The following SOX5 variants were observed in gnomAD, a reference collection of about 807,000 sequenced individuals.
SOX5 encodes transcription factor SOX-5.
Under a neutral mutation model 92.0 loss-of-function variants are expected in SOX5, and 9 were observed. That is an observed-to-expected ratio of 0.10 (90% CI 0.06 to 0.17). The LOEUF (loss-of-function observed/expected upper bound fraction) is 0.17, where lower values mean the gene tolerates loss of function less well. Ranked by LOEUF, SOX5 falls within the 10% of genes least tolerant of loss-of-function variation. The pLI is 1.00. For synonymous variants in SOX5, 344 were observed against 336.3 expected, an observed-to-expected ratio of 1.02 and a Z score of -0.25; for missense variants, 642 against 944.5, an observed-to-expected ratio of 0.68 and a Z score of 4.20.
At chr12:24,270,692 A>G (rs1208154893) in intron 3 of SOX5, among the ~76,000 whole-genome samples, 2 of 152,156 alleles carry the variant, frequency 1.3e-5, no homozygotes, top group East Asian at 1.9e-4. Flanking sequence ...TCATTCGTAG[A>G]TATCAGCACT....
chr12:23,671,940 A>C (rs977176355), intron 6 of SOX5, among the ~76,000 whole-genome samples: 2 of 152,154 alleles, frequency 1.3e-5, no homozygotes, highest in Non-Finnish European at 2.9e-5. Context: ...AAGCCACAGA[A>C]CTTTTTTTAA....
At chr12:24,297,452 GAATT>G (rs1187321757) in intron 2 of SOX5, among the ~76,000 whole-genome samples, 1 of 152,164 alleles carries the variant, frequency 6.6e-6, no homozygotes, top group Non-Finnish European at 1.5e-5. Flanking sequence ...TACGGAAATG[GAATT>G]TCATTAACTA....
chr12:24,025,760 T>A (rs1954806503), intron 4 of SOX5, among the ~76,000 whole-genome samples: 1 of 152,044 alleles, frequency 6.6e-6, no homozygotes, highest in Non-Finnish European at 1.5e-5. Context: ...AAAATACCAA[T>A]GACTGCAATT....
At chr12:23,886,638 TG>T (rs2097070290) in intron 2 of SOX5, among the ~76,000 whole-genome samples, 1 of 152,164 alleles carries the variant, frequency 6.6e-6, no homozygotes, top group Non-Finnish European at 1.5e-5. Context: ...GTTTATACAG[TG>T]ACACTAACAT....
At chr12:24,401,411 C>T (rs1961567854) in intron 1 of SOX5, among the ~76,000 whole-genome samples, 1 of 151,110 alleles carries the variant, frequency 6.6e-6, no homozygotes, top group Non-Finnish European at 1.5e-5. Context: ...GAACTATGTC[C>T]ATTAAAAATT....
At chr12:24,077,847 G>T (rs1274356117) in intron 4 of SOX5, among the ~76,000 whole-genome samples, 7 of 142,172 alleles carry the variant, frequency 4.9e-5, no homozygotes, top group Admixed American at 7.2e-5. Context: ...GCTTCAAAAT[G>T]GCAATTTAAA....
At chr12:24,438,589 A>C (rs920857753) in intron 1 of SOX5, among the ~76,000 whole-genome samples, 2 of 152,194 alleles carry the variant, frequency 1.3e-5, no homozygotes, top group Non-Finnish European at 2.9e-5. Context: ...GAGGGGGTAA[A>C]AAAGAAAAAA....
Position 23,845,999 on chromosome 12 carries a change from G to T in SOX5, c.465C>A (p.Ile155=). ...AGCCTTTACCTTCCGGCTCGTTTTT[G>T]ATGAGCTCTTCCATTTTCCTCTGCT... The part of the protein sequence containing the change: ...TLKQRKMEEL[I]KNEPEETPSI... Residue 155 remains isoleucine, a synonymous_variant, in exon 3 of 15, where the codon ATC becomes ATA. Coordinates refer to ENST00000451604, the MANE Select transcript of SOX5 (RefSeq NM_006940.6). 6.2e-7 allele frequency: 1 copy of T among 1,613,866 alleles called. No homozygotes were observed.
intron 1 of SOX5, among the ~76,000 whole-genome samples, chr12:24,553,850 A>C (rs1953471443): frequency 1.3e-5 from 2 of 152,258 alleles, no homozygotes; most frequent in South Asian, 4.1e-4. Flanking sequence ...ATTTCTTTAC[A>C]TGCTGATAGA....
At chr12:23,705,440 C>T (rs2091261352) in intron 6 of SOX5, among the ~76,000 whole-genome samples, 3 of 151,908 alleles carry the variant, frequency 2.0e-5, no homozygotes, top group African/African-American at 7.3e-5. Flanking sequence ...GCTTTGTGCA[C>T]ACTAATCACA....
chr12:23,593,845 A>G (rs994471472), intron 9 of SOX5, among the ~76,000 whole-genome samples: 2 of 152,062 alleles, frequency 1.3e-5, no homozygotes, highest in African/African-American at 4.8e-5. Context: ...AGAGGTAGAG[A>G]AGAAGGAAGA....
rs534082103 is a variant in SOX5, at chr12:23,792,326, G to A, written c.482-36602C>T. Among the ~76,000 whole-genome samples the A allele has an allele frequency of 2.6e-5, 4 of 151,834 alleles. No homozygotes were observed. The East Asian group carries it at 7.8e-4, about 30-fold the overall frequency. ...ACATGGGGATACACATAACTAAGGCGATAAAAATCTCGGACAGGCCAGGCA... is the reference window on the plus strand; with the variant it reads ...ACATGGGGATACACATAACTAAGGCAATAAAAATCTCGGACAGGCCAGGCA... On this transcript the variant is annotated intron_variant, in intron 3 of 14. Coordinates refer to ENST00000451604, the MANE Select transcript of SOX5 (RefSeq NM_006940.6).
intron 1 of SOX5, among the ~76,000 whole-genome samples, chr12:24,522,847 C>A (rs1488197565): frequency 6.6e-6 from 1 of 151,960 alleles, no homozygotes; most frequent in Non-Finnish European, 1.5e-5. Context: ...CCACTAAGAT[C>A]TGGAAAAAGA....
intron 1 of SOX5, among the ~76,000 whole-genome samples, chr12:24,481,100 T>G (rs1407784054): frequency 6.6e-6 from 1 of 152,194 alleles, no homozygotes; most frequent in Non-Finnish European, 1.5e-5. Flanking sequence ...TCCTATCATT[T>G]GCAACAACAT....
intron 1 of SOX5, among the ~76,000 whole-genome samples, chr12:24,383,844 G>A (rs7968903): frequency 0.26 from 39,105 of 151,938 alleles, 5,441 homozygotes; most frequent in East Asian, 0.46. Context: ...GATACGGTTT[G>A]GCTGTGTCCC....
At chr12:23,660,059 C>G (rs1345299491) in intron 7 of SOX5, among the ~76,000 whole-genome samples, 2 of 152,206 alleles carry the variant, frequency 1.3e-5, no homozygotes, top group African/African-American at 4.8e-5. Flanking sequence ...TTTTCATCAG[C>G]ACTTTGCTGC....
chr12:23,776,254 A>C (rs1288728514), intron 3 of SOX5, among the ~76,000 whole-genome samples: 1 of 152,180 alleles, frequency 6.6e-6, no homozygotes, highest in African/African-American at 2.4e-5. Context: ...ACTTATATAA[A>C]ATTAGTTTAA....
At chr12:24,086,628 C>T (rs999580250) in intron 4 of SOX5, among the ~76,000 whole-genome samples, 2 of 151,914 alleles carry the variant, frequency 1.3e-5, no homozygotes, top group South Asian at 4.1e-4. Flanking sequence ...CCTACAAACC[C>T]AATCTTTTGT....
At chr12:24,086,967 C>A (rs1944069461) in intron 4 of SOX5, among the ~76,000 whole-genome samples, 1 of 152,042 alleles carries the variant, frequency 6.6e-6, no homozygotes, top group South Asian at 2.1e-4. Context: ...AAAGAGGGTT[C>A]TAAGATCATT....
Sources: allele counts gnomAD v4.1 joint callset (sites outside exome capture counted in the v4.1 genomes callset), GRCh38; gene constraint gnomAD v4.1.1; transcripts MANE v1.5; gene names NCBI Gene and HGNC (gene_info 2026-07-23, HGNC 2026-07-21).